The following FAAH2 variants were observed in gnomAD, a reference collection of about 807,000 sequenced individuals.
FAAH2 encodes the protein fatty-acid amide hydrolase 2.
A neutral mutation model predicts 36.9 loss-of-function variants in FAAH2; 60 were observed. The observed-to-expected ratio is 1.63, with a 90% CI of 1.32 to 2.02. The LOEUF (loss-of-function observed/expected upper bound fraction) is 2.02, where lower values mean the gene tolerates loss of function less well. FAAH2 is among the 30% of genes most tolerant of loss of function. The pLI is 0.00. For missense variants in FAAH2, 689 were observed against 397.5 expected (o/e 1.73, Z -6.23); for synonymous variants, 214 against 143.8 (o/e 1.49, Z -3.49).
the FAAH2 span, among the ~76,000 whole-genome samples, chrX:57,227,084 A>T: frequency 4.9e-3 from 543 of 110,256 alleles, 3 homozygotes; most frequent in African/African-American, 0.017. Context: ...ACTTACTTGC[A>T]TTGGGCTTTG....
In FAAH2 at chrX:57,331,763, C is replaced by A; in HGVS notation, c.578C>A (p.Ser193Ter). ...YESSNKIYGR[S>*]NNPYDLQHIV... ...TCCAGTAACAAGATCTATGGCCGAT[C>A]AAACAACCCATATGATTTACAGCAT... The change falls in exon 4 of 11, where the codon TCA (serine) becomes TAA (stop). Residue 193 changes from serine (S) to a stop codon, truncating the protein, a stop_gained. Transcript: ENST00000374900. LOFTEE classifies it high-confidence loss of function. 1 of 1,211,504 alleles carries A rather than the reference C, an allele frequency of 8.3e-7. No homozygotes were observed. Among genetic ancestry groups the A allele is most frequent in the East Asian group, 3.0e-5 (1 of 33,815 alleles).
chrX:57,323,423 A>G (rs961958855), intron 3 of FAAH2, among the ~76,000 whole-genome samples: 1 of 111,612 alleles, frequency 9.0e-6, no homozygotes, highest in African/African-American at 3.3e-5. Flanking sequence ...ACTTCCACAA[A>G]GGTTGAACTA....
At chrX:57,167,515 T>TC in the FAAH2 span, among the ~76,000 whole-genome samples, 2 of 111,811 alleles carry the variant, frequency 1.8e-5, no homozygotes, top group Admixed American at 1.9e-4. Flanking sequence ...AAACCCCTTT[T>TC]CCCCCTCAGT....
chrX:57,137,056 C>T, the FAAH2 span: 1 of 815,804 alleles, frequency 1.2e-6, no homozygotes. Flanking sequence ...ACCTTCAAAT[C>T]CTTGTCTGGC....
intron 7 of FAAH2, among the ~76,000 whole-genome samples, chrX:57,400,135 AG>A (rs2055396426): frequency 8.9e-6 from 1 of 112,295 alleles, no homozygotes; most frequent in African/African-American, 3.2e-5. Flanking sequence ...GTGCAGTTGC[AG>A]CACTGGTCCT....
the FAAH2 span, among the ~76,000 whole-genome samples, chrX:57,171,695 C>A: frequency 9.0e-6 from 1 of 111,607 alleles, no homozygotes; most frequent in African/African-American, 3.3e-5. Flanking sequence ...CAAATAATTT[C>A]TCCTGTTTTT....
chrX:57,159,246 TG>T, the FAAH2 span, among the ~76,000 whole-genome samples: 10 of 111,932 alleles, frequency 8.9e-5, no homozygotes, highest in Admixed American at 8.5e-4. Flanking sequence ...ACTGTAGCCT[TG>T]TAGTATAGTT....
the FAAH2 span, among the ~76,000 whole-genome samples, chrX:57,131,377 G>A: frequency 9.0e-6 from 1 of 111,571 alleles, no homozygotes; most frequent in East Asian, 2.8e-4. Context: ...GAGCCACCGC[G>A]CCCGGCCGGG....
intron 10 of FAAH2, among the ~76,000 whole-genome samples, chrX:57,460,490 T>A (rs2056939135): frequency 9.0e-6 from 1 of 110,900 alleles, no homozygotes; most frequent in South Asian, 3.8e-4. Context: ...CAGAAGAGAG[T>A]GGGGGCCAGT....
the FAAH2 span, among the ~76,000 whole-genome samples, chrX:57,177,649 A>G: frequency 3.5e-4 from 34 of 97,926 alleles, 2 homozygotes; most frequent in African/African-American, 1.2e-3. Context: ...CTGAAAAAAA[A>G]AAAAAAAGAA....
At chrX:57,451,946 AAT>A (rs2056791162) in intron 10 of FAAH2, among the ~76,000 whole-genome samples, 1 of 112,624 alleles carries the variant, frequency 8.9e-6, no homozygotes, top group Admixed American at 9.4e-5. Context: ...TGCAATCAAC[AAT>A]GTTTCATATC....
At chrX:57,405,780 G>T (rs1379716178) in intron 7 of FAAH2, among the ~76,000 whole-genome samples, 1 of 99,902 alleles carries the variant, frequency 1.0e-5, no homozygotes, top group African/African-American at 3.7e-5. Flanking sequence ...ACTGTATTTT[G>T]TAATTCATTT....
At chrX:57,403,354 C>T (rs928654170) in intron 7 of FAAH2, among the ~76,000 whole-genome samples, 1 of 112,490 alleles carries the variant, frequency 8.9e-6, no homozygotes, top group Non-Finnish European at 1.9e-5. Context: ...ATGTAGCAGT[C>T]CTGCACCTGT....
At chrX:57,389,262 GCA>G (rs754135741) in intron 7 of FAAH2, among the ~76,000 whole-genome samples, 25 of 65,553 alleles carry the variant, frequency 3.8e-4, no homozygotes, top group East Asian at 5.1e-4. Context: ...ACATACACAC[GCA>G]CACACACACA....
At chrX:57,413,460 C>G (rs922618464) in intron 7 of FAAH2, among the ~76,000 whole-genome samples, 1 of 112,068 alleles carries the variant, frequency 8.9e-6, no homozygotes, top group African/African-American at 3.2e-5. Context: ...GTTTTCACAG[C>G]ACTATTTATT....
At chrX:57,154,454 G>T in the FAAH2 span, among the ~76,000 whole-genome samples, 1 of 107,637 alleles carries the variant, frequency 9.3e-6, no homozygotes, top group Non-Finnish European at 1.9e-5. Context: ...TGCATTTTTA[G>T]TAGAGACAGG....
At chrX:57,271,389 C>T in the FAAH2 span, among the ~76,000 whole-genome samples, 12 of 112,212 alleles carry the variant, frequency 1.1e-4, no homozygotes, top group South Asian at 4.5e-3. Context: ...TACAGTGGAC[C>T]TCCCAGCACA....
intron 7 of FAAH2, among the ~76,000 whole-genome samples, chrX:57,409,419 A>G (rs2055645750): frequency 9.0e-6 from 1 of 111,187 alleles, no homozygotes; most frequent in South Asian, 3.7e-4. Context: ...ATAGGTCTGT[A>G]ATTTTTTTCC....
At chrX:57,144,587 T>C in the FAAH2 span, among the ~76,000 whole-genome samples, 2 of 109,812 alleles carry the variant, frequency 1.8e-5, no homozygotes, top group Middle Eastern at 4.7e-3. Context: ...AAGTTCTTTA[T>C]TGGTGATTTG....
Sources: allele counts gnomAD v4.1 joint callset (sites outside exome capture counted in the v4.1 genomes callset), GRCh38; gene constraint gnomAD v4.1.1; transcripts MANE v1.5; gene names NCBI Gene and HGNC (gene_info 2026-07-23, HGNC 2026-07-21).